Variants in ZNF730 observed in about 807,000 individuals in gnomAD.
ZNF730 encodes zinc finger protein 730.
A neutral mutation model predicts 12.6 loss-of-function variants in ZNF730; 12 were observed. The ratio of observed to expected loss-of-function variants is 0.95; its 90% CI spans 0.61 to 1.54. The LOEUF is 1.54. ZNF730 is among the 40% of genes most tolerant of loss of function. The pLI, the probability that ZNF730 is intolerant of heterozygous loss-of-function variation, is 0.00. For missense variants in ZNF730, 643 were observed against 583.5 expected (o/e 1.10, Z -1.05); for synonymous variants, 194 against 195.8 (o/e 0.99, Z 0.08).
At chr19:23,110,987 G>C (rs976355476) in intron 1 of ZNF730, among the ~76,000 whole-genome samples, 1 of 152,170 alleles carries the variant, frequency 6.6e-6, no homozygotes, top group Non-Finnish European at 1.5e-5. Context: ...TAGAAACCTG[G>C]TATTTAAGAG....
At chr19:23,116,319 CT>C (rs1443039390), upstream of ZNF730, among the ~76,000 whole-genome samples, 1 of 28,826 alleles carries the variant, frequency 3.5e-5, no homozygotes, top group Admixed American at 7.9e-4. Context: ...CTTTTCTTTT[CT>C]TTTCTTTCTT....
intron 1 of ZNF730, among the ~76,000 whole-genome samples, chr19:23,088,418 T>C (rs1970102554): frequency 6.6e-6 from 1 of 152,168 alleles, no homozygotes; most frequent in South Asian, 2.1e-4. Context: ...TTGAGATATA[T>C]TTTTTCAATA....
At position 23,145,380 on chromosome 19, in the gene ZNF730, G is replaced by A; in HGVS notation, c.336G>A (p.Leu112=). Residue 112 remains leucine, a synonymous_variant, in exon 4 of 4, where the codon CTG becomes CTA. Coordinates refer to ENST00000597761, the MANE Select transcript of ZNF730 (RefSeq NM_001277403.2). ...QYKKCRHENL[L]LRKGCKNVDE... Reference sequence around the variant, plus strand: ...AAAAATGTAGACATGAGAATTTACTGTTAAGAAAAGGCTGTAAAAATGTGG... The same window carrying A: ...AAAAATGTAGACATGAGAATTTACTATTAAGAAAAGGCTGTAAAAATGTGG... 1 of 1,592,008 alleles carries A rather than the reference G, an allele frequency of 6.3e-7. No individual in the cohort carries two copies.
At chr19:23,102,154 G>A (rs1970342437) in intron 1 of ZNF730, among the ~76,000 whole-genome samples, 1 of 152,152 alleles carries the variant, frequency 6.6e-6, no homozygotes, top group Admixed American at 6.5e-5. Context: ...AGGAAACATT[G>A]TGACTTATCA....
chr19:23,127,687 A>G, intron 1 of ZNF730: 1 of 1,242,224 alleles, frequency 8.1e-7, no homozygotes. Context: ...GAGCATCAGA[A>G]ATGTCCACCA....
intron 3 of ZNF730, among the ~76,000 whole-genome samples, chr19:23,136,579 A>G (rs1238960586): frequency 6.6e-6 from 1 of 151,896 alleles, no homozygotes; most frequent in African/African-American, 2.4e-5. Context: ...AAATTAAACT[A>G]TTTTTTAAGT....
chr19:23,099,089 CAG>C (rs767610336), intron 1 of ZNF730, among the ~76,000 whole-genome samples: 3 of 152,144 alleles, frequency 2.0e-5, no homozygotes, highest in Non-Finnish European at 2.9e-5. Context: ...CACTATCACA[CAG>C]GGACAGAACC....
chr19:23,104,115 G>T (rs1970364848), intron 1 of ZNF730, among the ~76,000 whole-genome samples: 1 of 151,950 alleles, frequency 6.6e-6, no homozygotes, highest in Non-Finnish European at 1.5e-5. Context: ...AGACCATCCT[G>T]GCTAACACGG....
chr19:23,122,133 T>C (rs1489111512), intron 1 of ZNF730, among the ~76,000 whole-genome samples: 7 of 2,950 alleles, frequency 2.4e-3, no homozygotes, highest in Non-Finnish European at 9.7e-3. Flanking sequence ...TGTTTAAAGC[T>C]TTTTTTTTTT....
chr19:23,135,962 A>G lies in ZNF730; in HGVS notation c.145A>G (p.Lys49Glu). 8 of 1,609,420 alleles carry G rather than the reference A, an allele frequency of 5.0e-6. No individual in the cohort carries two copies. The highest frequency in any genetic ancestry group is 6.8e-6 in the Non-Finnish European group (8 of 1,177,916). ...NLVFLGIAVSKPDLITCLEQE... is the reference protein window; with the variant it reads ...NLVFLGIAVSEPDLITCLEQE... ...TCATAAAACAGGTATTGCTGTCTCA[A>G]AGCCAGACCTGATCACCTGTCTGGA... is the stretch of plus-strand genomic sequence containing the variant. The change falls in exon 3 of 4, where the codon AAG becomes GAG. Residue 49 changes from lysine to glutamate, a missense_variant. Lys to Glu is a moderately conservative substitution (Grantham distance 56). Transcript: ENST00000597761.
In ZNF730 at chr19:23,141,133, G is replaced by A. The variant is rs973518614; in HGVS notation, c.227-4138G>A. 8.6e-5 allele frequency among the ~76,000 whole-genome samples: 13 copies of A among 152,040 alleles called. No homozygotes were observed. In the East Asian group the frequency reaches 2.3e-3, roughly 27 times the overall value. On this transcript the variant is annotated intron_variant, in intron 3 of 3. Coordinates refer to ENST00000597761, the MANE Select transcript of ZNF730 (RefSeq NM_001277403.2). The stretch of plus-strand genomic sequence containing the variant: ...ATTTAGGCTAGATGTGGTGGCTCAC[G>A]CCTGTAATCCCAACACTTTGGGACG...
Position 23,145,551 on chromosome 19 carries a change from G to T in ZNF730, c.507G>T (p.Ser169=). Reference sequence around the variant, plus strand: ...ACAGACATAAGATAAGACATACTTCGAAGAAACCTTTCAAATGTAAAGAAT... The same window carrying T: ...ACAGACATAAGATAAGACATACTTCTAAGAAACCTTTCAAATGTAAAGAAT... ...NSNRHKIRHT[S]KKPFKCKECG... The change falls in exon 4 of 4, where the codon TCG becomes TCT. Residue 169 remains serine (S), a synonymous_variant. Transcript: ENST00000597761. 1 of 1,551,798 alleles carries T rather than the reference G, an allele frequency of 6.4e-7. No individual in the cohort carries two copies. Among genetic ancestry groups the T allele is most frequent in the African/African-American group, 1.4e-5 (1 of 72,980 alleles).
intron 1 of ZNF730, among the ~76,000 whole-genome samples, chr19:23,104,826 T>C (rs925141774): frequency 6.6e-6 from 1 of 152,202 alleles, no homozygotes; most frequent in African/African-American, 2.4e-5. Context: ...ACAGCGTTCC[T>C]GACCTGTGGT....
rs79884331 is a variant in ZNF730, at chr19:23,128,317, G to C, written c.4-5763G>C. The C allele has an allele frequency of 1.1e-3, 721 of 628,102 alleles. 3 individuals carry two copies. In the African/African-American group the frequency reaches 0.012, roughly 10 times the overall value. 38.9% of individuals were successfully genotyped at this position (628,102 alleles called of 1,614,324 possible). A position where few individuals can be genotyped will look rare whatever the true frequency, so the allele number is the denominator to read the frequency against. ...GCACTACTTAATGAAGGATGATGAA[G>C]ATGGTTACAGGAAACAGTTCTCTCA... is the stretch of plus-strand genomic sequence containing the variant. On this transcript the variant is annotated intron_variant, in intron 1 of 3. Transcript: ENST00000597761.
At chr19:23,089,256 G>A (rs764370793) in intron 1 of ZNF730, among the ~76,000 whole-genome samples, 13 of 152,098 alleles carry the variant, frequency 8.5e-5, no homozygotes, top group Non-Finnish European at 2.9e-5. Flanking sequence ...TCCCAGGCTG[G>A]AGTGTAGTGG....
chr19:23,140,106 AC>A lies in ZNF730; in HGVS notation c.226+4067del, dbSNP rs938111207. Among the ~76,000 whole-genome samples the A allele has an allele frequency of 4.9e-4, 74 of 151,204 alleles. 3 individuals carry two copies. The highest frequency in any genetic ancestry group is 4.2e-3 in the Admixed American group (63 of 15,144). The stretch of plus-strand genomic sequence containing the variant: ...GTGTATGTGTGTATCTATAAATATG[AC>A]CCCTACTTTGGTTATGGCACATCTT... On this transcript the variant is annotated intron_variant, in intron 3 of 3. Transcript: ENST00000597761.
chr19:23,080,785 A>C (rs546288710), intron 1 of ZNF730, among the ~76,000 whole-genome samples: 1 of 149,634 alleles, frequency 6.7e-6, no homozygotes, highest in Non-Finnish European at 1.5e-5. Context: ...TTTTACAGTT[A>C]TAGATTTTAT....
intron 1 of ZNF730, among the ~76,000 whole-genome samples, chr19:23,093,624 G>A (rs953871409): frequency 6.6e-6 from 1 of 152,126 alleles, no homozygotes; most frequent in Non-Finnish European, 1.5e-5. Context: ...AGGCACTGGT[G>A]TCTGGGGATG....
At chr19:23,131,827 C>A (rs1437733629) in intron 1 of ZNF730, among the ~76,000 whole-genome samples, 4 of 152,158 alleles carry the variant, frequency 2.6e-5, no homozygotes, top group Admixed American at 2.6e-4. Flanking sequence ...GCTGGAGAGG[C>A]AATGCTTAGT....
Sources: allele counts gnomAD v4.1 joint callset (sites outside exome capture counted in the v4.1 genomes callset), GRCh38; gene constraint gnomAD v4.1.1; transcripts MANE v1.5; gene names NCBI Gene and HGNC (gene_info 2026-07-23, HGNC 2026-07-21).